The following LRP1 variants were observed in gnomAD, a reference collection of about 807,000 sequenced individuals.
LRP1 encodes the protein LDL receptor related protein 1.
A neutral mutation model predicts 541.5 loss-of-function variants in LRP1; 51 were observed. That is an observed-to-expected ratio of 0.09 (90% confidence interval 0.08 to 0.12). The LOEUF (loss-of-function observed/expected upper bound fraction) is 0.12, where lower values mean the gene tolerates loss of function less well. Ranked by LOEUF, LRP1 falls within the 10% of genes least tolerant of loss-of-function variation. The pLI, the probability that LRP1 is intolerant of heterozygous loss-of-function variation, is 1.00. For synonymous variants in LRP1, 2,219 were observed against 2,470.8 expected, an observed-to-expected ratio of 0.90 and a Z score of 3.02; for missense variants, 3,878 against 6,376.2, an observed-to-expected ratio of 0.61 and a Z score of 13.34.
rs2036146696 is a variant in LRP1, at chr12:57,180,711, A to G, written c.5431A>G (p.Thr1811Ala). 2 of 1,613,956 alleles carry G rather than the reference A, an allele frequency of 1.2e-6. No individual in the cohort carries two copies. The highest frequency in any genetic ancestry group is 2.7e-5 in the African/African-American group (2 of 74,952). The change falls in exon 33 of 89, where the codon ACA becomes GCA. Residue 1811 changes from threonine (T) to alanine (A), a missense_variant. Around this residue, in one of 13 missense-constraint regions of LRP1, gnomAD observed 394 missense variants for 635.9 expected, o/e 0.62. Coordinates refer to ENST00000243077, the MANE Select transcript of LRP1 (RefSeq NM_002332.3). The stretch of plus-strand genomic sequence containing the variant: ...TGATCAGGTGTCGGAAAAGATGGGC[A>G]CATGCAGCAAGGCTGACGGCTCGGG... ...WADQVSEKMG[T>A]CSKADGSGSV...
intron 42 of LRP1, 65 bp downstream of exon 42, chr12:57,187,521 C>T: frequency 6.6e-7 from 1 of 1,510,630 alleles, no homozygotes; most frequent in Non-Finnish European, 9.0e-7. Context: ...AGAAACTCCC[C>T]AGGCAGATCC....
intron 2 of LRP1, among the ~76,000 whole-genome samples, chr12:57,140,857 C>T (rs1298475686): frequency 2.6e-5 from 4 of 152,262 alleles, no homozygotes; most frequent in African/African-American, 9.6e-5. Context: ...CTCAGCCTCC[C>T]GAGTAGCTGG....
Position 57,205,460 on chromosome 12 carries a change from C to T in LRP1, c.11445C>T (p.Thr3815=), listed in dbSNP as rs150228051. Residue 3815 remains threonine, a synonymous_variant, in exon 74 of 89, where the codon ACC becomes ACT. Transcript: ENST00000243077. This position sits in a 1 kb window ranked among gnomAD's most constrained non-coding sequence, Gnocchi z 4.6. ...GTGCCTGCCGCTCGGGCTTCCACAC[C>T]GTGCCCGGCCAGCCCGGATGCCAAG... ...AYCACRSGFH[T]VPGQPGCQDI... 1.6e-4 allele frequency: 253 copies of T among 1,611,054 alleles called. 1 individual carries two copies. The East Asian group carries it at 4.7e-3, about 30-fold the overall frequency.
In LRP1 at chr12:57,204,728, G is replaced by T. The variant is rs1278975693; in HGVS notation, c.11173G>T (p.Gly3725Trp). The change falls in exon 72 of 89, where the codon GGG (glycine) becomes TGG (tryptophan). Residue 3725 changes from glycine (G) to tryptophan (W), a missense_variant. Around this residue, in one of 13 missense-constraint regions of LRP1, gnomAD observed 871 missense variants for 1,212.4 expected, o/e 0.72. Transcript: ENST00000243077. This position sits in a 1 kb window ranked among gnomAD's most constrained non-coding sequence, Gnocchi z 5.3. ...CGATGGCACGGACAACTGTGGGGAT[G>T]GGACTGATGAAGAGGACTGTGGTGA... The part of the protein sequence containing the change: ...QCDGTDNCGD[G>W]TDEEDCEPPT... 2 of 1,613,976 alleles carry T rather than the reference G, an allele frequency of 1.2e-6. No homozygotes were observed. The highest frequency in any genetic ancestry group is 1.7e-6 in the Non-Finnish European group (2 of 1,180,030).
Position 57,185,395 on chromosome 12 carries a change from C to A in LRP1, c.6464-136C>A. ...CTCTGGGACAGATCTTGGCATTGGA[C>A]TCTGGGCCCTGGAGGGTCATTCAAG... is the stretch of plus-strand genomic sequence containing the variant. On this transcript the variant is annotated intron_variant, in intron 40 of 88. Coordinates refer to ENST00000243077, the MANE Select transcript of LRP1 (RefSeq NM_002332.3). This position sits in a 1 kb window ranked among gnomAD's most constrained non-coding sequence, Gnocchi z 4.9. The A allele has an allele frequency of 7.5e-7, 1 of 1,325,412 alleles. No individual in the cohort carries two copies. The highest frequency in any genetic ancestry group is 1.0e-6 in the Non-Finnish European group (1 of 985,920). The allele number at this position is 1,325,412 out of a possible 1,614,324, so 82.1% of individuals were successfully genotyped here. A position where few individuals can be genotyped will look rare whatever the true frequency, so the allele number is the denominator to read the frequency against.
chr12:57,202,476 C>G lies in LRP1; in HGVS notation c.10650C>G (p.Pro3550=). Residue 3550 remains proline, a synonymous_variant, in exon 68 of 89, where the codon CCC becomes CCG. Coordinates refer to ENST00000243077, the MANE Select transcript of LRP1 (RefSeq NM_002332.3). ...GCTGCAAGAACAACCGCTGCGTGCC[C>G]GGCCGCTGGCAGTGCGACTACGACA... ...QFRCKNNRCV[P]GRWQCDYDND... is the part of the protein sequence containing the mutation. 1 of 1,613,670 alleles carries G rather than the reference C, an allele frequency of 6.2e-7. No homozygotes were observed. Among genetic ancestry groups the G allele is most frequent in the Non-Finnish European group, 8.5e-7 (1 of 1,180,016 alleles).
At chr12:57,136,871 T>C (rs1014679723) in intron 1 of LRP1, among the ~76,000 whole-genome samples, 2 of 152,164 alleles carry the variant, frequency 1.3e-5, no homozygotes, top group African/African-American at 4.8e-5. Flanking sequence ...TGTCATACTG[T>C]GGAGGGAATT....
rs779062839 is a variant in LRP1 at position 57,156,888 on chromosome 12, T to G, written c.1529T>G (p.Phe510Cys). ...KARTCRCRSG[F>C]SLGSDGKSCK... Reference sequence around the variant, plus strand: ...CGGACCTGCCGCTGCCGTTCCGGCTTCAGCCTGGGCAGTGACGGGAAGTCA... The same window carrying G: ...CGGACCTGCCGCTGCCGTTCCGGCTGCAGCCTGGGCAGTGACGGGAAGTCA... Residue 510 changes from phenylalanine to cysteine, a missense_variant, in exon 10 of 89, where the codon TTC becomes TGC. Physicochemically the swap from Phe to Cys is radical, Grantham distance 205 (BLOSUM62 -2). This residue lies in a region of LRP1 where 496 missense variants were observed against 861.0 expected (regional missense o/e 0.58). Coordinates refer to ENST00000243077, the MANE Select transcript of LRP1 (RefSeq NM_002332.3). The surrounding 1 kb of genome is among the most constrained non-coding windows in gnomAD (Gnocchi z 5.2). The G allele has an allele frequency of 6.3e-7, 1 of 1,593,230 alleles. No individual in the cohort carries two copies. The highest frequency in any genetic ancestry group is 1.3e-5 in the African/African-American group (1 of 74,842).
At chr12:57,147,647 G>C (rs967054601) in intron 6 of LRP1, 14 of 152,166 alleles carry the variant, frequency 9.2e-5, no homozygotes, top group Non-Finnish European at 1.6e-4. Flanking sequence ...ACAATTGAGG[G>C]GTGTTCGAGC....
At chr12:57,136,395 GCCC>G (rs35376308) in intron 1 of LRP1, among the ~76,000 whole-genome samples, 4 of 99,104 alleles carry the variant, frequency 4.0e-5, no homozygotes, top group Non-Finnish European at 7.9e-5. Flanking sequence ...CCTCCTAAGA[GCCC>G]CCCCCCCCCG....
At chr12:57,200,936 A>T (rs912107846) in intron 64 of LRP1, 98 bp from the exon 65 acceptor site, 45 of 1,590,376 alleles carry the variant, frequency 2.8e-5, no homozygotes, top group Non-Finnish European at 3.9e-5. Context: ...CTGGATTCCT[A>T]TGGCTCAAGC....
chr12:57,179,214 GGAGCCAAGGGCCAGTA>G lies in LRP1; in HGVS notation c.4739-113_4739-98del. 1 of 1,158,836 alleles carries G rather than the reference GGAGCCAAGGGCCAGTA, an allele frequency of 8.6e-7. No homozygotes were observed. Among genetic ancestry groups the G allele is most frequent in the Non-Finnish European group, 1.2e-6 (1 of 808,102 alleles). 71.8% of individuals were successfully genotyped at this position (1,158,836 alleles called of 1,614,324 possible). ...GCTGCACCCAGCGGGGTATGTCCAC[GGAGCCAAGGGCCAGTA>G]GCAAACAGACGGATCCAGAAGAAGG... On this transcript the variant is annotated intron_variant, in intron 28 of 88. Transcript: ENST00000243077. This position sits in a 1 kb window ranked among gnomAD's most constrained non-coding sequence, Gnocchi z 6.8.
In LRP1 at chr12:57,143,809, G is replaced by C. The variant is rs749935296; in HGVS notation, c.448+11G>C. On this transcript the variant is annotated intron_variant, in intron 4 of 88. Coordinates refer to ENST00000243077, the MANE Select transcript of LRP1 (RefSeq NM_002332.3). ...GCAAGACCTGCAAAGGTATGTGAGT[G>C]CATGTGCCTGTGTGCATGTGTGTGT... 3 of 1,611,464 alleles carry C rather than the reference G, an allele frequency of 1.9e-6. No individual in the cohort carries two copies. In the African/African-American group the frequency reaches 4.0e-5, roughly 22 times the overall value.
In LRP1 at chr12:57,208,076, C is replaced by T. The variant is rs1290361230; in HGVS notation, c.11898C>T (p.Asp3966=). 6.2e-7 allele frequency: 1 copy of T among 1,614,176 alleles called. No homozygotes were observed. The highest frequency in any genetic ancestry group is 1.7e-5 in the Admixed American group (1 of 60,036). ...GLKMPRGIAI[D]WVAGNVYWTD... The stretch of plus-strand genomic sequence containing the variant: ...AGATGCCCAGAGGCATCGCCATCGA[C>T]TGGGTGGCCGGAAACGTGTACTGGA... Residue 3966 remains aspartate (D), a synonymous_variant, in exon 77 of 89, where the codon GAC becomes GAT. Transcript: ENST00000243077.
At chr12:57,137,923 C>A (rs2035207583) in intron 1 of LRP1, among the ~76,000 whole-genome samples, 1 of 152,150 alleles carries the variant, frequency 6.6e-6, no homozygotes, top group Non-Finnish European at 1.5e-5. Flanking sequence ...CCAAGGGCAT[C>A]CCTCCCCACT....
intron 2 of LRP1, among the ~76,000 whole-genome samples, chr12:57,139,088 T>C (rs1471119104): frequency 6.6e-6 from 1 of 152,130 alleles, no homozygotes; most frequent in Non-Finnish European, 1.5e-5. Flanking sequence ...AGGCAGCTGT[T>C]TTAACTGGGA....
Position 57,198,582 on chromosome 12 carries a change from G to A in LRP1, c.9588G>A (p.Leu3196=). 2 of 1,613,912 alleles carry A rather than the reference G, an allele frequency of 1.2e-6. No individual in the cohort carries two copies. Among genetic ancestry groups the A allele is most frequent in the South Asian group, 2.2e-5 (2 of 91,042 alleles). The change falls in exon 60 of 89, where the codon CTG becomes CTA. Residue 3196 remains leucine, a synonymous_variant. Transcript: ENST00000243077. ...TKITWPNGLT[L]DYVTERIYWA... ...TCACATGGCCCAATGGCCTGACGCTGGACTATGTCACTGAGCGCATCTACT... is the reference window on the plus strand; with the variant it reads ...TCACATGGCCCAATGGCCTGACGCTAGACTATGTCACTGAGCGCATCTACT...
intron 77 of LRP1, 47 bp downstream of exon 77, chr12:57,208,263 C>T: frequency 6.3e-7 from 1 of 1,579,752 alleles, no homozygotes; most frequent in South Asian, 1.1e-5. Context: ...TGGTAGGAAG[C>T]CCCCGGGACA....
Position 57,156,912 on chromosome 12 carries a change from C to A in LRP1, c.1553C>A (p.Ser518Ter). 1.3e-6 allele frequency: 2 copies of A among 1,575,452 alleles called. No homozygotes were observed. Among genetic ancestry groups the A allele is most frequent in the South Asian group, 1.1e-5 (1 of 89,674 alleles). The change falls in exon 10 of 89, where the codon TCA becomes TAA. Residue 518 changes from serine to a stop codon, truncating the protein, a stop_gained. Coordinates refer to ENST00000243077, the MANE Select transcript of LRP1 (RefSeq NM_002332.3). LOFTEE classifies it high-confidence loss of function. The surrounding 1 kb of genome is among the most constrained non-coding windows in gnomAD (Gnocchi z 5.2). ...TTCAGCCTGGGCAGTGACGGGAAGT[C>A]ATGCAAGAGTGAGTGACAGGGAAGG... is the stretch of plus-strand genomic sequence containing the variant. ...SGFSLGSDGK[S>*]CKKPEHELFL...
Sources: allele counts gnomAD v4.1 joint callset (sites outside exome capture counted in the v4.1 genomes callset), GRCh38; gene constraint gnomAD v4.1.1; regional missense constraint gnomAD v4.1.1; non-coding constraint Gnocchi (gnomAD v3.1); transcripts MANE v1.5; gene names NCBI Gene and HGNC (gene_info 2026-07-23, HGNC 2026-07-21).